The following SHISA9 variants were observed in gnomAD, a reference collection of about 807,000 sequenced individuals.
The protein encoded by SHISA9 is shisa family member 9, also known as protein shisa-9.
A neutral mutation model predicts 38.0 loss-of-function variants in SHISA9; 13 were observed. That is an observed-to-expected ratio of 0.34 (90% CI 0.22 to 0.54). The LOEUF (loss-of-function observed/expected upper bound fraction) is 0.54, where lower values mean the gene tolerates loss of function less well. SHISA9 is among the 20% of genes least tolerant of loss of function. The probability of loss-of-function intolerance (pLI) is 0.91; values close to 1 mark genes in which losing one functional copy is unlikely to be tolerated. For missense variants in SHISA9, 538 were observed against 575.8 expected (o/e 0.93, Z 0.67); for synonymous variants, 275 against 242.0 (o/e 1.14, Z -1.27).
the SHISA9 span, among the ~76,000 whole-genome samples, chr16:13,342,574 C>G: frequency 6.6e-6 from 1 of 152,208 alleles, no homozygotes. Flanking sequence ...GGGTGAGCCT[C>G]CACATCCGGC....
At chr16:13,560,021 C>A in the SHISA9 span, among the ~76,000 whole-genome samples, 4 of 152,150 alleles carry the variant, frequency 2.6e-5, no homozygotes, top group Non-Finnish European at 2.9e-5. Flanking sequence ...GATAAACTTG[C>A]TTTAAAATAA....
At chr16:12,969,451 G>A (rs1276774925) in intron 2 of SHISA9, among the ~76,000 whole-genome samples, 5 of 151,418 alleles carry the variant, frequency 3.3e-5, no homozygotes, top group Non-Finnish European at 1.5e-5. Context: ...TTCTGTAAGT[G>A]TTGTTCTCCA....
the SHISA9 span, among the ~76,000 whole-genome samples, chr16:13,327,221 G>A: frequency 6.6e-6 from 1 of 152,110 alleles, no homozygotes; most frequent in Non-Finnish European, 1.5e-5. Context: ...GTGTAAGCAT[G>A]TCCTTGCCTG....
At chr16:13,546,231 C>T in the SHISA9 span, among the ~76,000 whole-genome samples, 1 of 152,172 alleles carries the variant, frequency 6.6e-6, no homozygotes, top group Non-Finnish European at 1.5e-5. Context: ...CAACCACCAT[C>T]TCTTACCCAG....
At chr16:13,139,217 C>T (rs1374674521) in intron 2 of SHISA9, among the ~76,000 whole-genome samples, 1 of 151,374 alleles carries the variant, frequency 6.6e-6, no homozygotes, top group Non-Finnish European at 1.5e-5. Flanking sequence ...CCCTCCCTTC[C>T]CTCACTCCCT....
chr16:13,349,775 A>G, the SHISA9 span, among the ~76,000 whole-genome samples: 2 of 152,220 alleles, frequency 1.3e-5, no homozygotes. Context: ...GTAGTAATAA[A>G]TTTCATGTAG....
At chr16:13,254,204 T>C in the SHISA9 span, among the ~76,000 whole-genome samples, 27 of 152,294 alleles carry the variant, frequency 1.8e-4, no homozygotes, top group African/African-American at 6.0e-4. Flanking sequence ...ACACAAATCA[T>C]ATGAGGTGGG....
At chr16:13,383,506 G>C in the SHISA9 span, among the ~76,000 whole-genome samples, 1 of 152,176 alleles carries the variant, frequency 6.6e-6, no homozygotes, top group Non-Finnish European at 1.5e-5. Flanking sequence ...TGCATAGGTA[G>C]AACATCTCCG....
intron 1 of SHISA9, among the ~76,000 whole-genome samples, chr16:12,915,649 C>G (rs2071243919): frequency 6.6e-6 from 1 of 152,072 alleles, no homozygotes; most frequent in African/African-American, 2.4e-5. Context: ...CATATGAAGG[C>G]TCATTCCTGA....
chr16:13,306,651 A>G, the SHISA9 span, among the ~76,000 whole-genome samples: 1 of 152,194 alleles, frequency 6.6e-6, no homozygotes, highest in African/African-American at 2.4e-5. Flanking sequence ...TATTGGCTGA[A>G]GGTCTCAGTT....
intron 2 of SHISA9, among the ~76,000 whole-genome samples, chr16:12,942,979 G>A (rs1186441898): frequency 2.6e-5 from 4 of 152,072 alleles, no homozygotes; most frequent in Non-Finnish European, 5.9e-5. Context: ...TTTTCAGACA[G>A]GCTCTTTCCC....
the SHISA9 span, among the ~76,000 whole-genome samples, chr16:13,504,398 G>T: frequency 6.6e-6 from 1 of 152,092 alleles, no homozygotes; most frequent in Admixed American, 6.6e-5. Flanking sequence ...AAAGAAAGTG[G>T]CCTCACTTGG....
At chr16:13,402,357 A>T in the SHISA9 span, among the ~76,000 whole-genome samples, 1 of 152,144 alleles carries the variant, frequency 6.6e-6, no homozygotes, top group African/African-American at 2.4e-5. Context: ...GTCCAAGGGT[A>T]CAAAGTTTCA....
intron 2 of SHISA9, among the ~76,000 whole-genome samples, chr16:13,023,352 T>C (rs2072881091): frequency 6.6e-6 from 1 of 152,170 alleles, no homozygotes; most frequent in African/African-American, 2.4e-5. Flanking sequence ...CATGAACTCA[T>C]CCTTTTTTAT....
At chr16:13,553,422 G>A in the SHISA9 span, among the ~76,000 whole-genome samples, 49 of 152,268 alleles carry the variant, frequency 3.2e-4, no homozygotes, top group African/African-American at 1.0e-3. Flanking sequence ...AATCTCTACA[G>A]TAGCTACCAC....
At chr16:13,309,642 CAAAA>C in the SHISA9 span, among the ~76,000 whole-genome samples, 5 of 65,880 alleles carry the variant, frequency 7.6e-5, no homozygotes, top group Admixed American at 3.3e-4. Context: ...GACTCAGTCT[CAAAA>C]AAAAAAAAAA....
At chr16:13,225,950 A>C (rs2142079673) in intron 4 of SHISA9, among the ~76,000 whole-genome samples, 1 of 152,232 alleles carries the variant, frequency 6.6e-6, no homozygotes, top group Non-Finnish European at 1.5e-5. Flanking sequence ...CAAATAGGAG[A>C]GGGCCAGTGT....
chr16:13,484,741 G>A, the SHISA9 span, among the ~76,000 whole-genome samples: 4 of 152,220 alleles, frequency 2.6e-5, no homozygotes, highest in African/African-American at 9.6e-5. Flanking sequence ...AGAGGAAGGA[G>A]ACAGCTCTTA....
chr16:13,169,655 G>A, intron 2 of SHISA9, among the ~76,000 whole-genome samples: 1 of 152,192 alleles, frequency 6.6e-6, no homozygotes, highest in Non-Finnish European at 1.5e-5. Context: ...TCAGTTTCCT[G>A]GCTTTGGATT....
Sources: gnomAD v4.1 joint callset for allele counts (sites outside exome capture counted in the v4.1 genomes callset) on GRCh38, gnomAD v4.1.1 for gene constraint, MANE v1.5 for transcripts, NCBI Gene and HGNC (gene_info 2026-07-23, HGNC 2026-07-21) for gene names.